Variants in TENM2 observed in about 807,000 individuals in gnomAD.
TENM2 encodes the protein teneurin-2.
In TENM2, 52 loss-of-function variants were observed where a neutral mutation model predicts 245.2. That is an observed-to-expected ratio of 0.21 (90% CI 0.17 to 0.27). The LOEUF (loss-of-function observed/expected upper bound fraction) is 0.27. Among genes scored for constraint, TENM2 ranks in the 10% least tolerant of loss-of-function variants. TENM2 has a pLI of 1.00. For synonymous variants in TENM2, 1,363 were observed against 1,438.9 expected (o/e 0.95, Z 1.19); for missense variants, 3,046 against 3,666.8 (o/e 0.83, Z 4.37).
At chr5:168,006,258 G>A (rs1214869320) in intron 5 of TENM2, among the ~76,000 whole-genome samples, 1 of 152,156 alleles carries the variant, frequency 6.6e-6, no homozygotes, top group Non-Finnish European at 1.5e-5. Context: ...AAAGCTGGTA[G>A]CCCAGAAAAG....
intron 3 of TENM2, among the ~76,000 whole-genome samples, chr5:167,943,695 T>C (rs1779372507): frequency 6.6e-6 from 1 of 152,172 alleles, no homozygotes; most frequent in Non-Finnish European, 1.5e-5. Flanking sequence ...AGAAAGAGTA[T>C]TTTCTGCTAC....
At chr5:168,114,397 C>T (rs988617454) in intron 9 of TENM2, among the ~76,000 whole-genome samples, 3 of 152,172 alleles carry the variant, frequency 2.0e-5, no homozygotes, top group African/African-American at 7.2e-5. Flanking sequence ...TTTTCTATAA[C>T]CTGTCATAAA....
At chr5:168,096,607 C>T (rs1052443713) in intron 8 of TENM2, among the ~76,000 whole-genome samples, 10 of 152,246 alleles carry the variant, frequency 6.6e-5, no homozygotes, top group East Asian at 3.9e-4. Context: ...CTGTGTGATT[C>T]GAAGTTTCAA....
intron 2 of TENM2, among the ~76,000 whole-genome samples, chr5:167,859,303 T>C (rs1241741732): frequency 1.6e-4 from 17 of 106,840 alleles, no homozygotes; most frequent in South Asian, 3.8e-4. Context: ...GTGAGGAGCC[T>C]CTCCGCCCGG....
At chr5:168,105,143 G>T (rs1794140969) in intron 9 of TENM2, among the ~76,000 whole-genome samples, 1 of 152,186 alleles carries the variant, frequency 6.6e-6, no homozygotes, top group Non-Finnish European at 1.5e-5. Flanking sequence ...AAGTTCCCCT[G>T]GTGGTGTCTT....
At chr5:167,518,171 A>C (rs1251815088) in intron 2 of TENM2, among the ~76,000 whole-genome samples, 1 of 152,058 alleles carries the variant, frequency 6.6e-6, no homozygotes, top group Non-Finnish European at 1.5e-5. Context: ...AAAAAAAAAA[A>C]AAATTAATAG....
At chr5:167,851,924 T>G (rs1326760912) in intron 2 of TENM2, among the ~76,000 whole-genome samples, 1 of 152,226 alleles carries the variant, frequency 6.6e-6, no homozygotes, top group Non-Finnish European at 1.5e-5. Flanking sequence ...CTATAATTTT[T>G]TTAAAGGAAG....
At chr5:167,013,120 T>C in the TENM2 span, among the ~76,000 whole-genome samples, 2 of 152,158 alleles carry the variant, frequency 1.3e-5, no homozygotes, top group African/African-American at 4.8e-5. Context: ...TGAGGGAAGA[T>C]ATCATTGTAA....
At chr5:168,201,097 G>T (rs1259602991) in intron 17 of TENM2, among the ~76,000 whole-genome samples, 1 of 152,068 alleles carries the variant, frequency 6.6e-6, no homozygotes, top group Non-Finnish European at 1.5e-5. Context: ...ATATGGGGCA[G>T]GAGGGAGAGG....
the TENM2 span, among the ~76,000 whole-genome samples, chr5:167,139,311 G>T: frequency 2.0e-5 from 3 of 152,192 alleles, no homozygotes; most frequent in South Asian, 6.2e-4. Context: ...AAGGCAATGA[G>T]AATTAAAATG....
chr5:167,797,443 T>C (rs554677624), intron 2 of TENM2, among the ~76,000 whole-genome samples: 1 of 152,316 alleles, frequency 6.6e-6, no homozygotes, highest in Admixed American at 6.5e-5. Context: ...TTAGAAATAA[T>C]GTCTTCATCA....
In TENM2 at chr5:167,869,698, C is replaced by T. The variant is rs558716715; in HGVS notation, c.503-6288C>T. ...CATGACCCAGTGCTCCCTCAAAGCC[C>T]GTGGTGAAGGCTTGATGAAGAATAT... is the stretch of plus-strand genomic sequence containing the variant. On this transcript the variant is annotated intron_variant, in intron 2 of 28. Transcript: ENST00000518659. Among the ~76,000 whole-genome samples the T allele has an allele frequency of 3.7e-3, 560 of 152,264 alleles. 2 individuals are homozygous for T. Among genetic ancestry groups the T allele is most frequent in the African/African-American group, 0.012 (514 of 41,548 alleles).
intron 3 of TENM2, among the ~76,000 whole-genome samples, chr5:167,880,579 C>T (rs1390449604): frequency 6.6e-6 from 1 of 152,138 alleles, no homozygotes; most frequent in Non-Finnish European, 1.5e-5. Context: ...TTCTGGGAAT[C>T]CTCACAATGA....
Position 167,700,007 on chromosome 5 carries a change from G to A in TENM2, c.503-175979G>A, listed in dbSNP as rs75721568. ...TTCTGTAAATGCAATAATATATTGGGGTTCAGGGAAAATTTTTACATAGCA... is the reference window on the plus strand; with the variant it reads ...TTCTGTAAATGCAATAATATATTGGAGTTCAGGGAAAATTTTTACATAGCA... On this transcript the variant is annotated intron_variant, in intron 2 of 28. Transcript: ENST00000518659. 3.2e-3 allele frequency among the ~76,000 whole-genome samples: 494 copies of A among 152,218 alleles called. 3 individuals carry two copies. Among genetic ancestry groups the A allele is most frequent in the Non-Finnish European group, 5.2e-3 (357 of 68,008 alleles).
intron 2 of TENM2, among the ~76,000 whole-genome samples, chr5:167,429,258 T>G (rs1005320263): frequency 6.6e-6 from 1 of 152,216 alleles, no homozygotes; most frequent in Non-Finnish European, 1.5e-5. Context: ...TTGTTTTAAT[T>G]GTTCCTCTCC....
the TENM2 span, among the ~76,000 whole-genome samples, chr5:167,065,521 C>T: frequency 6.6e-6 from 1 of 152,192 alleles, no homozygotes; most frequent in Non-Finnish European, 1.5e-5. Context: ...TGTGCAGACA[C>T]ACAACGTGTA....
intron 2 of TENM2, among the ~76,000 whole-genome samples, chr5:167,560,429 A>G (rs934454477): frequency 1.3e-5 from 2 of 151,894 alleles, no homozygotes; most frequent in Non-Finnish European, 2.9e-5. Context: ...TACTTGATCA[A>G]CTCCTGAATT....
At chr5:167,355,968 A>G (rs1419847658) in intron 1 of TENM2, among the ~76,000 whole-genome samples, 2 of 149,932 alleles carry the variant, frequency 1.3e-5, no homozygotes, top group Non-Finnish European at 3.0e-5. Context: ...AGATCACCTG[A>G]GGTCAGGAGT....
At chr5:167,110,736 C>G in the TENM2 span, among the ~76,000 whole-genome samples, 1 of 152,154 alleles carries the variant, frequency 6.6e-6, no homozygotes, top group African/African-American at 2.4e-5. Context: ...TTTTTAATTT[C>G]AGTCCCTGGG....
Sources: allele counts gnomAD v4.1 joint callset (sites outside exome capture counted in the v4.1 genomes callset), GRCh38; gene constraint gnomAD v4.1.1; transcripts MANE v1.5; gene names NCBI Gene and HGNC (gene_info 2026-07-23, HGNC 2026-07-21).